RANBP2: variants seen among roughly 807,000 people sequenced by gnomAD.
RANBP2 encodes RAN binding protein 2, also known as E3 SUMO-protein ligase RanBP2.
Under a neutral mutation model 303.6 loss-of-function variants are expected in RANBP2, and 57 were observed. That is an observed-to-expected ratio of 0.19 (90% CI 0.15 to 0.23). The LOEUF (loss-of-function observed/expected upper bound fraction) is 0.23, where lower values mean the gene tolerates loss of function less well. Ranked by LOEUF, RANBP2 falls within the 10% of genes least tolerant of loss-of-function variation. RANBP2 has a pLI of 1.00. For synonymous variants in RANBP2, 1,167 were observed against 1,301.5 expected, an observed-to-expected ratio of 0.90 and a Z score of 2.23; for missense variants, 3,138 against 3,780.8, an observed-to-expected ratio of 0.83 and a Z score of 4.46.
intron 18 of RANBP2, among the ~76,000 whole-genome samples, chr2:108,761,016 A>T (rs1676695605): frequency 6.6e-6 from 1 of 151,468 alleles, no homozygotes; most frequent in African/African-American, 2.4e-5. Flanking sequence ...TGGTGCTTTT[A>T]AAAGTTAGAT....
the RANBP2 span, among the ~76,000 whole-genome samples, chr2:109,568,608 C>T: frequency 1.3e-5 from 2 of 152,124 alleles, no homozygotes; most frequent in Non-Finnish European, 2.9e-5. Context: ...TCTTCTCTCT[C>T]AAAATCTTGC....
At chr2:109,357,757 T>C in the RANBP2 span, among the ~76,000 whole-genome samples, 1 of 152,178 alleles carries the variant, frequency 6.6e-6, no homozygotes, top group Admixed American at 6.5e-5. Flanking sequence ...TTTTAAAAAA[T>C]AGGTGTTATA....
chr2:109,195,679 T>G, the RANBP2 span, among the ~76,000 whole-genome samples: 1 of 152,246 alleles, frequency 6.6e-6, no homozygotes, highest in Non-Finnish European at 1.5e-5. Context: ...CGTTTGCATC[T>G]TATTTTTCTG....
At chr2:109,209,700 CA>C in the RANBP2 span, among the ~76,000 whole-genome samples, 400 of 152,290 alleles carry the variant, frequency 2.6e-3, 2 homozygotes, top group African/African-American at 9.3e-3. Context: ...TGAGTCACTA[CA>C]AAATGTAGCT....
chr2:108,798,671 G>T, the RANBP2 span: 14 of 1,043,426 alleles, frequency 1.3e-5, no homozygotes, highest in Non-Finnish European at 1.7e-5. Context: ...TGTCACATTT[G>T]CTTATTTCTC....
the RANBP2 span, among the ~76,000 whole-genome samples, chr2:109,138,307 G>A: frequency 2.0e-5 from 3 of 152,200 alleles, no homozygotes; most frequent in Admixed American, 2.0e-4. Flanking sequence ...GATTACAGGT[G>A]TCAGCCACTT....
chr2:109,402,189 CT>C, the RANBP2 span, among the ~76,000 whole-genome samples: 2 of 152,254 alleles, frequency 1.3e-5, no homozygotes, highest in African/African-American at 2.4e-5. Context: ...CTGCTCTGCA[CT>C]GCCTTCCTGG....
chr2:109,136,567 C>A, the RANBP2 span, among the ~76,000 whole-genome samples: 1 of 152,170 alleles, frequency 6.6e-6, no homozygotes, highest in African/African-American at 2.4e-5. Context: ...GCTCTCCTGG[C>A]CCTTGATGGC....
chr2:109,395,418 G>A, the RANBP2 span, among the ~76,000 whole-genome samples: 17 of 152,336 alleles, frequency 1.1e-4, no homozygotes, highest in South Asian at 1.0e-3. Flanking sequence ...GAGACCCCTC[G>A]GCAGCGGTTC....
the RANBP2 span, among the ~76,000 whole-genome samples, chr2:109,257,217 C>T: frequency 6.6e-6 from 1 of 152,134 alleles, no homozygotes; most frequent in Admixed American, 6.5e-5. Flanking sequence ...ACGGTAAGTC[C>T]TTCTTGGAGA....
the RANBP2 span, among the ~76,000 whole-genome samples, chr2:109,505,395 C>T: frequency 6.6e-6 from 1 of 152,210 alleles, no homozygotes; most frequent in Non-Finnish European, 1.5e-5. Flanking sequence ...AGTGACCTTG[C>T]CAGGCAGTGG....
At chr2:108,980,475 T>A in the RANBP2 span, among the ~76,000 whole-genome samples, 45 of 152,192 alleles carry the variant, frequency 3.0e-4, no homozygotes, top group African/African-American at 1.1e-3. Flanking sequence ...ATATATATAT[T>A]CACATATATA....
At chr2:108,985,001 G>A in the RANBP2 span, among the ~76,000 whole-genome samples, 11 of 152,184 alleles carry the variant, frequency 7.2e-5, no homozygotes, top group Admixed American at 3.3e-4. Context: ...TCTGAGAGTC[G>A]TCAAAACAGT....
chr2:109,762,240 CTG>C, the RANBP2 span, among the ~76,000 whole-genome samples: 109 of 145,972 alleles, frequency 7.5e-4, no homozygotes, highest in African/African-American at 2.0e-3. Context: ...CATGTTATGA[CTG>C]TGTAAAAGTT....
chr2:109,020,518 G>C, the RANBP2 span, among the ~76,000 whole-genome samples: 2 of 152,202 alleles, frequency 1.3e-5, no homozygotes, highest in Admixed American at 1.3e-4. Context: ...ATGGTTACTT[G>C]GCAGGCGACC....
chr2:108,782,947 T>G (rs1678358118), intron 28 of RANBP2, 85 bp downstream of exon 28: 4 of 1,221,594 alleles, frequency 3.3e-6, no homozygotes, highest in South Asian at 1.2e-5. Flanking sequence ...TTCCTTGACC[T>G]CATCCTGTAG....
the RANBP2 span, among the ~76,000 whole-genome samples, chr2:109,351,990 TA>T: frequency 6.6e-6 from 1 of 152,294 alleles, no homozygotes; most frequent in Middle Eastern, 3.4e-3. Flanking sequence ...CATAGATGGA[TA>T]AAAATCAAAT....
At chr2:108,972,076 C>A in the RANBP2 span, among the ~76,000 whole-genome samples, 1 of 152,256 alleles carries the variant, frequency 6.6e-6, no homozygotes, top group Admixed American at 6.5e-5. Context: ...CAGCCGACTG[C>A]AGCCTCAGGA....
At chr2:108,789,020 G>C, downstream of RANBP2, 6 of 1,592,064 alleles carry the variant, frequency 3.8e-6, no homozygotes, top group South Asian at 5.6e-5. Context: ...TCAAAAAACT[G>C]AGAAAGAGAA....
Sources: allele counts gnomAD v4.1 joint callset (sites outside exome capture counted in the v4.1 genomes callset), GRCh38; gene constraint gnomAD v4.1.1; transcripts MANE v1.5; gene names NCBI Gene and HGNC (gene_info 2026-07-23, HGNC 2026-07-21).